NAT8L: variants seen among roughly 807,000 people sequenced by gnomAD.
NAT8L encodes N-acetylaspartate synthetase.
NAT8L carries 6 observed loss-of-function variants against 21.2 expected under a neutral mutation model. The observed-to-expected ratio is 0.28, with a 90% CI of 0.16 to 0.56. The LOEUF (loss-of-function observed/expected upper bound fraction) is 0.56. NAT8L is among the 20% of genes least tolerant of loss of function. The pLI, the probability that NAT8L is intolerant of heterozygous loss-of-function variation, is 0.93. For missense variants in NAT8L, 331 were observed against 433.3 expected (o/e 0.76, Z 2.10); for synonymous variants, 239 against 204.9 (o/e 1.17, Z -1.42).
chr4:2,059,659 G>C lies in NAT8L; in HGVS notation c.148G>C (p.Ala50Pro), dbSNP rs1729813083. The change falls in exon 1 of 3, where the codon GCC (alanine) becomes CCC (proline). Residue 50 changes from alanine to proline, a missense_variant. This residue lies in a region of NAT8L where 199 missense variants were observed against 196.1 expected (regional missense o/e 1.01). Coordinates refer to ENST00000423729, the MANE Select transcript of NAT8L (RefSeq NM_178557.4). This position sits in a 1 kb window ranked among gnomAD's most constrained non-coding sequence, Gnocchi z 4.8. ...PPLPAAPGPA[A>P]APPAPPPAPV... The stretch of plus-strand genomic sequence containing the variant: ...GCTGCCCGCCGCGCCCGGGCCGGCC[G>C]CCGCGCCCCCCGCGCCCCCACCTGC... 1.0e-6 allele frequency: 1 copy of C among 973,010 alleles called. No individual in the cohort carries two copies. The highest frequency in any genetic ancestry group is 1.2e-6 in the Non-Finnish European group (1 of 821,034). The allele number at this position is 973,010 out of a possible 1,614,324, so 60.3% of individuals were successfully genotyped here.
Position 2,064,155 on chromosome 4 carries a change from C to T in NAT8L, c.*28C>T, listed in dbSNP as rs749808365. ...GCCGCCGCTCGCCCGCCCGCCCCCCCGGCCGCCCTGTCCGCCTTTGCCCGC... is the reference window on the plus strand; with the variant it reads ...GCCGCCGCTCGCCCGCCCGCCCCCCTGGCCGCCCTGTCCGCCTTTGCCCGC... On this transcript the variant is annotated 3_prime_UTR_variant, in exon 3 of 3. Transcript: ENST00000423729. 2.3e-5 allele frequency: 34 copies of T among 1,484,252 alleles called. No individual in the cohort carries two copies. Among genetic ancestry groups the T allele is most frequent in the African/African-American group, 4.2e-5 (3 of 70,616 alleles). 91.9% of individuals were successfully genotyped at this position (1,484,252 alleles called of 1,614,324 possible). A position where few individuals can be genotyped will look rare whatever the true frequency, so the allele number is the denominator to read the frequency against.
chr4:2,061,776 G>T (rs913571707), intron 2 of NAT8L, among the ~76,000 whole-genome samples: 3 of 152,188 alleles, frequency 2.0e-5, no homozygotes, highest in African/African-American at 7.2e-5. Context: ...GTTCCCCCAT[G>T]CCGGATGCCG....
intron 2 of NAT8L, 48 bp from the exon 3 acceptor site, chr4:2,063,712 T>G: frequency 6.2e-7 from 1 of 1,603,804 alleles, no homozygotes; most frequent in Non-Finnish European, 8.5e-7. Flanking sequence ...TGGAGGGGTC[T>G]CCCCAGCCTT....
In NAT8L at chr4:2,061,000, C is replaced by G. The variant is rs748296217; in HGVS notation, c.379C>G (p.Leu127Val). The change falls in exon 2 of 3, where the codon CTG becomes GTG. Residue 127 changes from leucine to valine, a missense_variant and splice_region_variant. By Grantham distance (32) the Leu-to-Val change is conservative (BLOSUM62 1). Around this residue, in one of 2 missense-constraint regions of NAT8L, gnomAD observed 199 missense variants for 196.1 expected, o/e 1.01. Transcript: ENST00000423729. The surrounding 1 kb of genome is among the most constrained non-coding windows in gnomAD (Gnocchi z 4.7). ...AQLLYALLAA[L>V]CFAVSRSLLL... ...TGACCCGCGCCCTCTGCCCCCAGCG[C>G]TGTGCTTCGCCGTGAGCCGCTCGCT... 4.6e-6 allele frequency: 7 copies of G among 1,528,232 alleles called. No individual in the cohort carries two copies. Among genetic ancestry groups the G allele is most frequent in the Non-Finnish European group, 6.2e-6 (7 of 1,127,370 alleles). The allele number at this position is 1,528,232 out of a possible 1,614,324, so 94.7% of individuals were successfully genotyped here. A position where few individuals can be genotyped will look rare whatever the true frequency, so the allele number is the denominator to read the frequency against.
In NAT8L at chr4:2,067,194, G is replaced by A. The variant is rs1730021612; in HGVS notation, c.*3067G>A. The A allele has an allele frequency of 6.6e-6, 1 of 152,388 alleles. No homozygotes were observed. The highest frequency in any genetic ancestry group is 1.5e-5 in the Non-Finnish European group (1 of 68,150). The allele number at this position is 152,388 out of a possible 1,614,324, so 9.4% of individuals were successfully genotyped here. The stretch of plus-strand genomic sequence containing the variant: ...GTAGGGAGTTGAGCCCCGCAGCCGT[G>A]GCGGCATCTCCTCCTCCTTCCTCCG... On this transcript the variant is annotated 3_prime_UTR_variant, in exon 3 of 3. Transcript: ENST00000423729.
Position 2,064,340 on chromosome 4 carries a change from G to T in NAT8L, c.*213G>T, listed in dbSNP as rs1040590779. 1.3e-5 allele frequency: 3 copies of T among 233,436 alleles called. No homozygotes were observed. The highest frequency in any genetic ancestry group is 1.2e-4 in the Admixed American group (2 of 16,816). 14.5% of individuals were successfully genotyped at this position (233,436 alleles called of 1,614,324 possible). ...TGGGGGTGGGTTGTTTGTCGCCATA[G>T]CCCCTCGCCCTTCCCCACCTGCCTG... On this transcript the variant is annotated 3_prime_UTR_variant, in exon 3 of 3. Coordinates refer to ENST00000423729, the MANE Select transcript of NAT8L (RefSeq NM_178557.4).
chr4:2,062,027 C>G (rs1206288474), intron 2 of NAT8L, among the ~76,000 whole-genome samples: 1 of 152,192 alleles, frequency 6.6e-6, no homozygotes, highest in Non-Finnish European at 1.5e-5. Context: ...AGCATCTGAG[C>G]AGCCCCTGAG....
At position 2,061,068 on chromosome 4, in the gene NAT8L, C is replaced by T; in HGVS notation, c.447C>T (p.Arg149=). 6.2e-7 allele frequency: 1 copy of T among 1,607,254 alleles called. No homozygotes were observed. The highest frequency in any genetic ancestry group is 1.3e-5 in the African/African-American group (1 of 74,860). Residue 149 remains arginine (R), a synonymous_variant, in exon 2 of 3, where the codon CGC becomes CGT. Transcript: ENST00000423729. ...CLVPAALLGL[R]YYYSRKVIRA... is the part of the protein sequence containing the mutation. ...TGCCGGCCGCGCTGCTGGGCCTGCGCTACTACTACAGCCGCAAGGTGATCC... is the reference window on the plus strand; with the variant it reads ...TGCCGGCCGCGCTGCTGGGCCTGCGTTACTACTACAGCCGCAAGGTGATCC...
In NAT8L at chr4:2,059,397, TGCCGCCGCC is replaced by T. The variant is rs892906399; in HGVS notation, c.-100_-92del. On this transcript the variant is annotated 5_prime_UTR_variant, in exon 1 of 3. Transcript: ENST00000423729. This position sits in a 1 kb window ranked among gnomAD's most constrained non-coding sequence, Gnocchi z 4.8. ...GAGCTGCCGCCGCCGCCGCCGCCGC[TGCCGCCGCC>T]GCCGCCGCCGCCGCGGGTCCGAGGG... The T allele has an allele frequency of 9.3e-5, 22 of 237,270 alleles. No homozygotes were observed. The highest frequency in any genetic ancestry group is 2.0e-4 in the East Asian group (1 of 4,920). 14.7% of individuals were successfully genotyped at this position (237,270 alleles called of 1,614,324 possible). A position where few individuals can be genotyped will look rare whatever the true frequency, so the allele number is the denominator to read the frequency against.
rs1234193154 is a variant in NAT8L at position 2,066,002 on chromosome 4, G to C, written c.*1875G>C. On this transcript the variant is annotated 3_prime_UTR_variant, in exon 3 of 3. Transcript: ENST00000423729. The stretch of plus-strand genomic sequence containing the variant: ...GTGCGGGGCATGCTGGGGGCAGGAG[G>C]GGCAGGGCGGGCCAGGTGGAGTCAG... 2 of 152,814 alleles carry C rather than the reference G, an allele frequency of 1.3e-5. No individual in the cohort carries two copies. The highest frequency in any genetic ancestry group is 2.9e-5 in the Non-Finnish European group (2 of 68,232). 9.5% of individuals were successfully genotyped at this position (152,814 alleles called of 1,614,324 possible).
chr4:2,059,756 A>C lies in NAT8L; in HGVS notation c.245A>C (p.Glu82Ala). 7.7e-7 allele frequency: 1 copy of C among 1,301,982 alleles called. No homozygotes were observed. Among genetic ancestry groups the C allele is most frequent in the Non-Finnish European group, 9.9e-7 (1 of 1,012,802 alleles). 80.7% of individuals were successfully genotyped at this position (1,301,982 alleles called of 1,614,324 possible). Reference sequence around the variant, plus strand: ...GGGGGGCGCGGCGTGTGCATCCGCGAGTTCCGTGCGGCCGAGCAGGAGGCG... The same window carrying C: ...GGGGGGCGCGGCGTGTGCATCCGCGCGTTCCGTGCGGCCGAGCAGGAGGCG... The part of the protein sequence containing the change: ...PPGGRGVCIR[E>A]FRAAEQEAAR... The change falls in exon 1 of 3, where the codon GAG (glutamate) becomes GCG (alanine). Residue 82 changes from glutamate (E) to alanine (A), a missense_variant. This residue lies in a region of NAT8L where 199 missense variants were observed against 196.1 expected (regional missense o/e 1.01). Transcript: ENST00000423729. This position sits in a 1 kb window ranked among gnomAD's most constrained non-coding sequence, Gnocchi z 4.8.
intron 2 of NAT8L, among the ~76,000 whole-genome samples, chr4:2,061,968 C>T (rs1379054203): frequency 6.6e-6 from 1 of 152,206 alleles, no homozygotes. Flanking sequence ...CCCCGCGCCA[C>T]GGCCTTGGTG....
At position 2,059,764 on chromosome 4, in the gene NAT8L, G is replaced by C; in HGVS notation, c.253G>C (p.Ala85Pro). 3.8e-6 allele frequency: 5 copies of C among 1,327,900 alleles called. No homozygotes were observed. Among genetic ancestry groups the C allele is most frequent in the Non-Finnish European group, 4.9e-6 (5 of 1,027,058 alleles). The allele number at this position is 1,327,900 out of a possible 1,614,324, so 82.3% of individuals were successfully genotyped here. Residue 85 changes from alanine (A) to proline (P), a missense_variant, in exon 1 of 3, where the codon GCG (alanine) becomes CCG (proline). This residue lies in a region of NAT8L where 199 missense variants were observed against 196.1 expected (regional missense o/e 1.01). Coordinates refer to ENST00000423729, the MANE Select transcript of NAT8L (RefSeq NM_178557.4). The surrounding 1 kb of genome is among the most constrained non-coding windows in gnomAD (Gnocchi z 4.8). ...CGGCGTGTGCATCCGCGAGTTCCGT[G>C]CGGCCGAGCAGGAGGCGGCGCGCCG... ...GRGVCIREFRAAEQEAARRIF... is the reference protein window; with the variant it reads ...GRGVCIREFRPAEQEAARRIF...
rs1026768432 is a variant in NAT8L, at chr4:2,068,361, T to C, written c.*4234T>C. On this transcript the variant is annotated 3_prime_UTR_variant, in exon 3 of 3. Coordinates refer to ENST00000423729, the MANE Select transcript of NAT8L (RefSeq NM_178557.4). ...TGTACATGTGTTTGTGTCTTGGGTA[T>C]GCATAAGCATGCACGTGTGTATGAA... 1.4e-4 allele frequency: 22 copies of C among 152,266 alleles called. No homozygotes were observed. Among genetic ancestry groups the C allele is most frequent in the African/African-American group, 5.3e-4 (22 of 41,448 alleles). The allele number at this position is 152,266 out of a possible 1,614,324, so 9.4% of individuals were successfully genotyped here. A position where few individuals can be genotyped will look rare whatever the true frequency, so the allele number is the denominator to read the frequency against.
chr4:2,063,624 G>A (rs903231985), intron 2 of NAT8L, 136 bp from the exon 3 acceptor site: 44 of 1,525,784 alleles, frequency 2.9e-5, no homozygotes, highest in African/African-American at 4.1e-5. Context: ...GGGGGCTGCC[G>A]GGATTGGGTG....
Position 2,064,139 on chromosome 4 carries a change from C to T in NAT8L, c.*12C>T, listed in dbSNP as rs776568097. The T allele has an allele frequency of 5.2e-5, 79 of 1,523,344 alleles. 1 individual carries two copies. The highest frequency in any genetic ancestry group is 2.2e-4 in the Admixed American group (11 of 51,140). 94.4% of individuals were successfully genotyped at this position (1,523,344 alleles called of 1,614,324 possible). ...TGCGCGAGGAGTGACCGCCGCCGCT[C>T]GCCCGCCCGCCCCCCCGGCCGCCCT... is the stretch of plus-strand genomic sequence containing the variant. On this transcript the variant is annotated 3_prime_UTR_variant, in exon 3 of 3. Coordinates refer to ENST00000423729, the MANE Select transcript of NAT8L (RefSeq NM_178557.4).
At position 2,063,687 on chromosome 4, in the gene NAT8L, G is replaced by A; in HGVS notation, c.542-73G>A. ...TGGAGGGGGCAGTGCCAAGGGCCCT[G>A]TCTCACCCCAGAGGTGGAGGGGTCT... is the stretch of plus-strand genomic sequence containing the variant. On this transcript the variant is annotated intron_variant, in intron 2 of 2. Coordinates refer to ENST00000423729, the MANE Select transcript of NAT8L (RefSeq NM_178557.4). The A allele has an allele frequency of 3.8e-6, 6 of 1,598,568 alleles. 1 individual carries two copies. The highest frequency in any genetic ancestry group is 2.2e-5 in the South Asian group (2 of 90,596).
Position 2,060,849 on chromosome 4 carries a change from TAGGG to T in NAT8L, c.377-146_377-143del. 2.3e-6 allele frequency: 1 copy of T among 439,782 alleles called. No homozygotes were observed. The allele number at this position is 439,782 out of a possible 1,614,324, so 27.2% of individuals were successfully genotyped here. A position where few individuals can be genotyped will look rare whatever the true frequency, so the allele number is the denominator to read the frequency against. ...GTCTTCACCGCAGGAAGCTTGGAAA[TAGGG>T]AGAAGTAGAAAGCACCCGAGATGAC... On this transcript the variant is annotated intron_variant, in intron 1 of 2. Coordinates refer to ENST00000423729, the MANE Select transcript of NAT8L (RefSeq NM_178557.4). This position sits in a 1 kb window ranked among gnomAD's most constrained non-coding sequence, Gnocchi z 4.7.
At position 2,059,901 on chromosome 4, in the gene NAT8L, G is replaced by A. The variant is rs766979504; in HGVS notation, c.376+14G>A. ...CCCTGCTGGCGGGTCAGTGCGCCGG[G>A]CCCCCGGCTGCCGCAGTCCCTCGGG... is the stretch of plus-strand genomic sequence containing the variant. On this transcript the variant is annotated intron_variant, in intron 1 of 2. Coordinates refer to ENST00000423729, the MANE Select transcript of NAT8L (RefSeq NM_178557.4). The surrounding 1 kb of genome is among the most constrained non-coding windows in gnomAD (Gnocchi z 4.8). The A allele has an allele frequency of 2.4e-5, 30 of 1,264,000 alleles. No homozygotes were observed. The highest frequency in any genetic ancestry group is 6.0e-4 in the Middle Eastern group (2 of 3,358). 78.3% of individuals were successfully genotyped at this position (1,264,000 alleles called of 1,614,324 possible). A position where few individuals can be genotyped will look rare whatever the true frequency, so the allele number is the denominator to read the frequency against.
Sources: allele counts gnomAD v4.1 joint callset (sites outside exome capture counted in the v4.1 genomes callset), GRCh38; gene constraint gnomAD v4.1.1; regional missense constraint gnomAD v4.1.1; non-coding constraint Gnocchi (gnomAD v3.1); transcripts MANE v1.5; gene names NCBI Gene and HGNC (gene_info 2026-07-23, HGNC 2026-07-21).